The following CELF2 variants were observed in gnomAD, a reference collection of about 807,000 sequenced individuals.
The protein encoded by CELF2 is CUG triplet repeat RNA-binding protein 2.
A neutral mutation model predicts 62.6 loss-of-function variants in CELF2; 8 were observed. The ratio of observed to expected loss-of-function variants is 0.13; its 90% CI spans 0.07 to 0.23. The LOEUF is 0.23. Among genes scored for constraint, CELF2 ranks in the 10% least tolerant of loss-of-function variants. The pLI is 1.00. For synonymous variants in CELF2, 258 were observed against 250.0 expected, an observed-to-expected ratio of 1.03 and a Z score of -0.30; for missense variants, 333 against 671.0, an observed-to-expected ratio of 0.50 and a Z score of 5.56.
At chr10:10,587,144 G>C in the CELF2 span, among the ~76,000 whole-genome samples, 3 of 152,186 alleles carry the variant, frequency 2.0e-5, no homozygotes. Flanking sequence ...TGAAGGGAGA[G>C]AAAAAGGAAA....
At chr10:11,193,339 T>C (rs1295442109) in intron 2 of CELF2, among the ~76,000 whole-genome samples, 2 of 152,180 alleles carry the variant, frequency 1.3e-5, no homozygotes, top group African/African-American at 4.8e-5. Context: ...CTCAAAATCA[T>C]AGAACTGGGA....
At chr10:10,814,561 C>G (rs1192329601) in intron 1 of CELF2, among the ~76,000 whole-genome samples, 1 of 152,204 alleles carries the variant, frequency 6.6e-6, no homozygotes, top group East Asian at 1.9e-4. Context: ...CCAACACGTG[C>G]CTCTTGGGCC....
intron 1 of CELF2, among the ~76,000 whole-genome samples, chr10:10,893,607 G>T (rs1399762313): frequency 6.6e-6 from 1 of 152,170 alleles, no homozygotes; most frequent in Non-Finnish European, 1.5e-5. Context: ...AAGAAAAGTG[G>T]TTTAATTGGC....
chr10:10,891,024 A>AAACAAC (rs3028996), intron 1 of CELF2, among the ~76,000 whole-genome samples: 166 of 151,290 alleles, frequency 1.1e-3, no homozygotes, highest in African/African-American at 3.5e-3. Context: ...TCAAAAAAAC[A>AAACAAC]AACAACAACA....
chr10:10,828,766 C>A (rs1331239991), intron 1 of CELF2, among the ~76,000 whole-genome samples: 2 of 152,098 alleles, frequency 1.3e-5, no homozygotes, highest in Non-Finnish European at 2.9e-5. Context: ...ATGTCCAGGG[C>A]TAAGACTGAT....
At chr10:10,516,790 T>C in the CELF2 span, among the ~76,000 whole-genome samples, 6 of 151,068 alleles carry the variant, frequency 4.0e-5, no homozygotes, top group Non-Finnish European at 8.8e-5. Flanking sequence ...TCCCCACCCC[T>C]TGCCACCCGG....
the CELF2 span, among the ~76,000 whole-genome samples, chr10:10,767,995 CAAAAAAA>C: frequency 3.0e-4 from 7 of 23,050 alleles, 1 homozygote; most frequent in Non-Finnish European, 4.3e-4. Flanking sequence ...GACTCCGTCT[CAAAAAAA>C]AAAAAAAAAA....
At chr10:11,066,735 GCTGCTTGTTGGGGACTCAT>G (rs1256278150) in intron 1 of CELF2, among the ~76,000 whole-genome samples, 2 of 152,136 alleles carry the variant, frequency 1.3e-5, no homozygotes, top group East Asian at 3.8e-4. Flanking sequence ...AGGAGTGGTT[GCTGCTTGTTGGGGACTCAT>G]CTGTGGGACT....
chr10:11,237,839 C>T lies in CELF2; in HGVS notation c.355-11314C>T, dbSNP rs549164793. Among the ~76,000 whole-genome samples, 5 of 152,296 alleles carry T rather than the reference C, an allele frequency of 3.3e-5. No individual in the cohort carries two copies. In the East Asian group the frequency reaches 9.6e-4, roughly 29 times the overall value. On this transcript the variant is annotated intron_variant, in intron 3 of 12. Transcript: ENST00000633077. This position sits in a 1 kb window ranked among gnomAD's most constrained non-coding sequence, Gnocchi z 4.0. ...GATGATTTGTTGTTAAACCACAACT[C>T]GTTTCTCTTAAAATATGAGAGAATA...
At chr10:10,627,115 C>T in the CELF2 span, among the ~76,000 whole-genome samples, 1 of 152,154 alleles carries the variant, frequency 6.6e-6, no homozygotes, top group Admixed American at 6.5e-5. Context: ...GTGAGGCTCT[C>T]GCATTGTGTA....
At chr10:10,718,021 A>G in the CELF2 span, among the ~76,000 whole-genome samples, 2 of 152,212 alleles carry the variant, frequency 1.3e-5, no homozygotes, top group Admixed American at 6.5e-5. Context: ...AGAGGCATTC[A>G]TGTAGATTAT....
chr10:10,983,567 G>T lies in CELF2; in HGVS notation c.89+63568G>T, dbSNP rs930643493. Among the ~76,000 whole-genome samples the T allele has an allele frequency of 3.9e-5, 6 of 152,036 alleles. No individual in the cohort carries two copies. The highest frequency in any genetic ancestry group is 7.4e-5 in the Non-Finnish European group (5 of 67,992). Reference sequence around the variant, plus strand: ...GATACATCCGTAGTTTTTGTTTTTGGTTTTTGGTTTATTTTTTTGAGACAG... The same window carrying T: ...GATACATCCGTAGTTTTTGTTTTTGTTTTTTGGTTTATTTTTTTGAGACAG... On this transcript the variant is annotated intron_variant, in intron 2 of 13. Transcript: ENST00000636488. The surrounding 1 kb of genome is among the most constrained non-coding windows in gnomAD (Gnocchi z 5.2).
At chr10:11,128,055 G>C (rs1412089591) in intron 1 of CELF2, among the ~76,000 whole-genome samples, 1 of 152,174 alleles carries the variant, frequency 6.6e-6, no homozygotes, top group Non-Finnish European at 1.5e-5. Flanking sequence ...ATTAATTTTT[G>C]TATAAGTTGT....
chr10:10,838,888 C>T (rs1292741447), intron 1 of CELF2, among the ~76,000 whole-genome samples: 1 of 152,032 alleles, frequency 6.6e-6, no homozygotes, highest in Non-Finnish European at 1.5e-5. Context: ...ACCTGTAATC[C>T]CAGCACTTTG....
At chr10:11,312,865 C>T (rs1316934619) in intron 9 of CELF2, among the ~76,000 whole-genome samples, 2 of 152,190 alleles carry the variant, frequency 1.3e-5, no homozygotes, top group Non-Finnish European at 2.9e-5. Flanking sequence ...ACCTGGGAGG[C>T]AGGGGTTGCA....
intron 2 of CELF2, among the ~76,000 whole-genome samples, chr10:10,922,197 A>G (rs2134746798): frequency 6.6e-6 from 1 of 152,256 alleles, no homozygotes; most frequent in East Asian, 1.9e-4. Flanking sequence ...CCAAAGAAAC[A>G]TTTCCATCAT....
chr10:10,728,528 G>A, the CELF2 span, among the ~76,000 whole-genome samples: 5 of 151,872 alleles, frequency 3.3e-5, no homozygotes, highest in Non-Finnish European at 7.4e-5. Flanking sequence ...ACCCAGGAAG[G>A]CCTGGCATTT....
chr10:11,334,176 T>C lies in CELF2; in HGVS notation c.*5123T>C, dbSNP rs2096077943. ...TACTCAGTCACTTTAAGTGGATAAA[T>C]GTATTAGTTAAAACTTTAGGGTTTG... On this transcript the variant is annotated 3_prime_UTR_variant, in exon 13 of 13. Transcript: ENST00000633077. 1 of 152,670 alleles carries C rather than the reference T, an allele frequency of 6.6e-6. No homozygotes were observed. Among genetic ancestry groups the C allele is most frequent in the Non-Finnish European group, 1.5e-5 (1 of 68,046 alleles). The allele number at this position is 152,670 out of a possible 1,614,324, so 9.5% of individuals were successfully genotyped here. A position where few individuals can be genotyped will look rare whatever the true frequency, so the allele number is the denominator to read the frequency against.
At chr10:10,589,114 G>A in the CELF2 span, among the ~76,000 whole-genome samples, 12 of 152,272 alleles carry the variant, frequency 7.9e-5, no homozygotes, top group Middle Eastern at 3.4e-3. Flanking sequence ...ATAGATGTAC[G>A]ATGTACATTG....
Sources: allele counts gnomAD v4.1 joint callset (sites outside exome capture counted in the v4.1 genomes callset), GRCh38; gene constraint gnomAD v4.1.1; non-coding constraint Gnocchi (gnomAD v3.1); transcripts MANE v1.5; gene names NCBI Gene and HGNC (gene_info 2026-07-23, HGNC 2026-07-21).